ATP11B: variants seen among roughly 807,000 people sequenced by gnomAD.
The protein encoded by ATP11B is ATPase phospholipid transporting 11B (putative).
Under a neutral mutation model 157.8 loss-of-function variants are expected in ATP11B, and 81 were observed. The ratio of observed to expected loss-of-function variants is 0.51; its 90% CI spans 0.43 to 0.62. The LOEUF (loss-of-function observed/expected upper bound fraction) is 0.62, where lower values mean the gene tolerates loss of function less well. ATP11B is among the 20% of genes least tolerant of loss of function. The probability of loss-of-function intolerance (pLI) is 0.00; values close to 1 mark genes in which losing one functional copy is unlikely to be tolerated. For synonymous variants in ATP11B, 451 were observed against 469.4 expected, an observed-to-expected ratio of 0.96 and a Z score of 0.51; for missense variants, 1,165 against 1,402.2, an observed-to-expected ratio of 0.83 and a Z score of 2.70.
chr3:182,905,983 C>A, intron 28 of ATP11B: 1 of 404,262 alleles, frequency 2.5e-6, no homozygotes, highest in Non-Finnish European at 5.1e-6. Context: ...GGGGGCATGT[C>A]ATGGGACACC....
chr3:182,889,317 ATCTT>A, intron 24 of ATP11B, 89 bp from the exon 25 acceptor site: 1 of 910,276 alleles, frequency 1.1e-6, no homozygotes, highest in Non-Finnish European at 1.6e-6. Flanking sequence ...TTAAAAATCT[ATCTT>A]GTTTTTTAAT....
chr3:182,802,672 A>G (rs1456787386), intron 1 of ATP11B, among the ~76,000 whole-genome samples: 1 of 152,132 alleles, frequency 6.6e-6, no homozygotes, highest in Non-Finnish European at 1.5e-5. Context: ...GCCATTCAGT[A>G]TAATGTTCTG....
intron 19 of ATP11B, among the ~76,000 whole-genome samples, chr3:182,877,561 G>C (rs958761846): frequency 1.3e-5 from 2 of 152,148 alleles, no homozygotes; most frequent in African/African-American, 4.8e-5. Context: ...AGGATGTATT[G>C]AATCAGGGAG....
chr3:182,793,714 C>T lies in ATP11B; in HGVS notation c.-46C>T. The T allele has an allele frequency of 7.3e-7, 1 of 1,373,108 alleles. No individual in the cohort carries two copies. 85.1% of individuals were successfully genotyped at this position (1,373,108 alleles called of 1,614,324 possible). On this transcript the variant is annotated 5_prime_UTR_variant, in exon 1 of 30. Coordinates refer to ENST00000323116, the MANE Select transcript of ATP11B (RefSeq NM_014616.3). Reference sequence around the variant, plus strand: ...GTCTTGTCGGCCTCCACCTGCAGCCCCGCGGCCCCCGCGCCCCGCGGGACC... The same window carrying T: ...GTCTTGTCGGCCTCCACCTGCAGCCTCGCGGCCCCCGCGCCCCGCGGGACC...
In ATP11B at chr3:182,837,108, C is replaced by T; in HGVS notation, c.590C>T (p.Thr197Ile). 2 of 1,613,426 alleles carry T rather than the reference C, an allele frequency of 1.2e-6. No individual in the cohort carries two copies. Among genetic ancestry groups the T allele is most frequent in the Non-Finnish European group, 1.7e-6 (2 of 1,179,578 alleles). Residue 197 changes from threonine (T) to isoleucine (I), a missense_variant, in exon 7 of 30, where the codon ACA becomes ATA. This residue lies in a region of ATP11B where 737 missense variants were observed against 930.5 expected (regional missense o/e 0.79). Transcript: ENST00000323116. ...VAVPETALLQ[T>I]VANLDTLVAV... ...GTTCCAGAAACAGCATTATTACAAA[C>T]AGTTGCCAATTTGGACACTCTAGTA...
At chr3:182,885,037 T>A in intron 22 of ATP11B, 139 bp downstream of exon 22, 1 of 565,948 alleles carries the variant, frequency 1.8e-6, no homozygotes, top group Non-Finnish European at 2.7e-6. Context: ...AAATCTATTC[T>A]ATACTGACAG....
chr3:182,798,364 A>G (rs182065187), intron 1 of ATP11B, among the ~76,000 whole-genome samples: 29 of 152,314 alleles, frequency 1.9e-4, no homozygotes, highest in Admixed American at 4.6e-4. Context: ...AAATACCTGC[A>G]TTCTCTGCCT....
At chr3:182,891,395 C>G (rs1183807839) in intron 25 of ATP11B, among the ~76,000 whole-genome samples, 1 of 152,082 alleles carries the variant, frequency 6.6e-6, no homozygotes, top group Admixed American at 6.6e-5. Flanking sequence ...TGGCCCTCTA[C>G]CCAGATATTA....
intron 25 of ATP11B, among the ~76,000 whole-genome samples, chr3:182,893,625 CA>C (rs1723324061): frequency 1.3e-5 from 2 of 152,122 alleles, no homozygotes; most frequent in Admixed American, 1.3e-4. Context: ...CCTATTTTTG[CA>C]ATTGCAAATT....
At chr3:182,869,200 TC>T in intron 16 of ATP11B, 27 bp from the exon 17 acceptor site, 1 of 1,595,802 alleles carries the variant, frequency 6.3e-7, no homozygotes, top group Non-Finnish European at 8.6e-7. Context: ...ATATTAAGAG[TC>T]TGATAACTCA....
chr3:182,865,408 G>A, intron 12 of ATP11B, 48 bp from the exon 13 acceptor site: 1 of 1,580,618 alleles, frequency 6.3e-7, no homozygotes, highest in Non-Finnish European at 8.6e-7. Context: ...GTTTAACATA[G>A]GACCATGAAC....
intron 10 of ATP11B, among the ~76,000 whole-genome samples, chr3:182,856,719 GCA>G (rs1720435881): frequency 1.3e-5 from 2 of 152,146 alleles, no homozygotes; most frequent in Non-Finnish European, 2.9e-5. Flanking sequence ...TACTGTCACA[GCA>G]GAATATATAG....
rs180945913 is a variant in ATP11B at position 182,891,997 on chromosome 3, A to G, written c.2982+2449A>G. Reference sequence around the variant, plus strand: ...CATATAGAAGTATTCACTACGTCTTAGCAGTGTTCATTGTTATTTTTACTA... The same window carrying G: ...CATATAGAAGTATTCACTACGTCTTGGCAGTGTTCATTGTTATTTTTACTA... On this transcript the variant is annotated intron_variant, in intron 25 of 29. Coordinates refer to ENST00000323116, the MANE Select transcript of ATP11B (RefSeq NM_014616.3). 1.1e-4 allele frequency among the ~76,000 whole-genome samples: 17 copies of G among 152,348 alleles called. No individual in the cohort carries two copies. In the East Asian group the frequency reaches 3.1e-3, roughly 28 times the overall value.
intron 12 of ATP11B, among the ~76,000 whole-genome samples, chr3:182,861,964 G>T (rs57405909): frequency 0.037 from 5,169 of 141,080 alleles, 309 homozygotes; most frequent in African/African-American, 0.12. Flanking sequence ...AAAAATGAAA[G>T]GCTGGGCTCA....
intron 21 of ATP11B, among the ~76,000 whole-genome samples, chr3:182,881,658 G>A (rs1173632883): frequency 3.3e-5 from 5 of 151,866 alleles, no homozygotes; most frequent in African/African-American, 7.3e-5. Context: ...TATCTTTGCC[G>A]ATTATTTTTC....
intron 29 of ATP11B, chr3:182,916,983 C>T (rs1479849265): frequency 4.1e-6 from 4 of 983,850 alleles, no homozygotes; most frequent in Non-Finnish European, 4.8e-6. Flanking sequence ...ATGTCAGACA[C>T]AGTTCTAGAT....
At position 182,842,058 on chromosome 3, in the gene ATP11B, T is replaced by C; in HGVS notation, c.657-17T>C. ...TAAGTGATATTATATGTTTTTGTAATGTGAATTTTTTGATAGATTCATGGG... is the reference window on the plus strand; with the variant it reads ...TAAGTGATATTATATGTTTTTGTAACGTGAATTTTTTGATAGATTCATGGG... On this transcript the variant is annotated splice_polypyrimidine_tract_variant and intron_variant, in intron 7 of 29. Transcript: ENST00000323116. 6.4e-7 allele frequency: 1 copy of C among 1,570,734 alleles called. No individual in the cohort carries two copies. The highest frequency in any genetic ancestry group is 8.7e-7 in the Non-Finnish European group (1 of 1,144,526).
chr3:182,796,204 CT>C (rs1244272726), intron 1 of ATP11B, among the ~76,000 whole-genome samples: 1 of 152,084 alleles, frequency 6.6e-6, no homozygotes, highest in Non-Finnish European at 1.5e-5. Context: ...TTGGAATATC[CT>C]TTTTTGTTTT....
chr3:182,875,318 T>A (rs1384385857), intron 19 of ATP11B, among the ~76,000 whole-genome samples: 1 of 152,224 alleles, frequency 6.6e-6, no homozygotes, highest in Non-Finnish European at 1.5e-5. Context: ...TGTTTTCTAT[T>A]TATATTTTTT....
Sources: gnomAD v4.1 joint callset for allele counts (sites outside exome capture counted in the v4.1 genomes callset) on GRCh38, gnomAD v4.1.1 for gene constraint, gnomAD v4.1.1 regional missense constraint, MANE v1.5 for transcripts, NCBI Gene and HGNC (gene_info 2026-07-23, HGNC 2026-07-21) for gene names.